Variants in OXR1 observed in about 807,000 individuals in gnomAD.
OXR1 encodes oxidation resistance 1.
In OXR1, 41 loss-of-function variants were observed where a neutral mutation model predicts 104.6. That is an observed-to-expected ratio of 0.39 (90% CI 0.31 to 0.51). The LOEUF is 0.51. OXR1 is among the 20% of genes least tolerant of loss of function. The pLI, the probability that OXR1 is intolerant of heterozygous loss-of-function variation, is 0.77. For synonymous variants in OXR1, 348 were observed against 348.4 expected (o/e 1.00, Z 0.01); for missense variants, 955 against 1,031.9 (o/e 0.93, Z 1.02).
At chr8:106,441,497 T>C (rs1201944063) in intron 2 of OXR1, among the ~76,000 whole-genome samples, 1 of 152,206 alleles carries the variant, frequency 6.6e-6, no homozygotes, top group African/African-American at 2.4e-5. Context: ...ATCTCTAAAT[T>C]ACTTTGGGCA....
intron 2 of OXR1, among the ~76,000 whole-genome samples, chr8:106,451,809 T>A (rs997662286): frequency 3.9e-5 from 6 of 152,360 alleles, no homozygotes; most frequent in East Asian, 1.9e-4. Flanking sequence ...TGACTTTTTT[T>A]AAAATAAGAA....
intron 3 of OXR1, among the ~76,000 whole-genome samples, chr8:106,651,464 T>A (rs1485036771): frequency 4.6e-5 from 7 of 152,170 alleles, no homozygotes; most frequent in Admixed American, 4.6e-4. Context: ...TTTAATCTCA[T>A]TCTTTTGTAT....
chr8:106,417,062 C>A (rs1000704548), intron 2 of OXR1, among the ~76,000 whole-genome samples: 3 of 151,976 alleles, frequency 2.0e-5, no homozygotes, highest in Admixed American at 2.0e-4. Context: ...TATTGCACAT[C>A]AAATATATTT....
intron 2 of OXR1, among the ~76,000 whole-genome samples, chr8:106,464,881 G>C (rs987845602): frequency 6.6e-6 from 1 of 151,906 alleles, no homozygotes; most frequent in Non-Finnish European, 1.5e-5. Context: ...CTTCTCTGCT[G>C]TCACTACATT....
intron 2 of OXR1, among the ~76,000 whole-genome samples, chr8:106,388,986 TA>T (rs1817492875): frequency 6.6e-6 from 1 of 152,232 alleles, no homozygotes; most frequent in East Asian, 1.9e-4. Context: ...TAATGACCTC[TA>T]AAATCAGAGC....
At chr8:106,420,729 A>ATT (rs1818869600) in intron 2 of OXR1, among the ~76,000 whole-genome samples, 1 of 111,828 alleles carries the variant, frequency 8.9e-6, no homozygotes. Flanking sequence ...GCATTAAAAT[A>ATT]TTGTGTGTGT....
At chr8:106,707,299 C>T (rs2131377455) in intron 9 of OXR1, 154 bp downstream of exon 9, 1 of 703,528 alleles carries the variant, frequency 1.4e-6, no homozygotes, top group Non-Finnish European at 2.5e-6. Flanking sequence ...TATATACAGT[C>T]TCCAGTGTCT....
At chr8:106,649,819 C>A (rs1305861192) in intron 3 of OXR1, among the ~76,000 whole-genome samples, 1 of 152,010 alleles carries the variant, frequency 6.6e-6, no homozygotes, top group Non-Finnish European at 1.5e-5. Flanking sequence ...GCCTCAGCCT[C>A]CCAAATAGCT....
intron 11 of OXR1, among the ~76,000 whole-genome samples, chr8:106,716,630 C>CAAAAAA (rs760744812): frequency 4.2e-5 from 3 of 71,476 alleles, no homozygotes; most frequent in Non-Finnish European, 9.2e-5. Context: ...GACTCCGTCT[C>CAAAAAA]AAAAAAAAAA....
chr8:106,428,708 G>A (rs540146122), intron 2 of OXR1, among the ~76,000 whole-genome samples: 106 of 151,536 alleles, frequency 7.0e-4, no homozygotes, highest in Non-Finnish European at 1.1e-3. Context: ...TTAGAACTTT[G>A]ATATATTGGA....
chr8:106,273,255 AAG>A (rs1491189617), intron 1 of OXR1, among the ~76,000 whole-genome samples: 11 of 150,208 alleles, frequency 7.3e-5, no homozygotes, highest in Non-Finnish European at 1.6e-4. Flanking sequence ...AAAAAAAAAA[AAG>A]AAGAAGAAGA....
At chr8:106,748,946 A>C (rs1835641774) in intron 16 of OXR1, among the ~76,000 whole-genome samples, 1 of 152,180 alleles carries the variant, frequency 6.6e-6, no homozygotes, top group South Asian at 2.1e-4. Flanking sequence ...TATACTTAAA[A>C]TTTGTATATG....
At chr8:106,532,142 G>A (rs575102741) in intron 3 of OXR1, among the ~76,000 whole-genome samples, 4 of 152,300 alleles carry the variant, frequency 2.6e-5, no homozygotes, top group South Asian at 2.1e-4. Flanking sequence ...TGGAATTTGG[G>A]CTTACTCTTG....
At chr8:106,390,426 T>A (rs1336497819) in intron 2 of OXR1, among the ~76,000 whole-genome samples, 1 of 152,180 alleles carries the variant, frequency 6.6e-6, no homozygotes, top group Non-Finnish European at 1.5e-5. Context: ...CTAAACACTT[T>A]CCATATATTA....
chr8:106,366,155 G>T (rs1020994828), intron 2 of OXR1, among the ~76,000 whole-genome samples: 1 of 152,168 alleles, frequency 6.6e-6, no homozygotes, highest in East Asian at 1.9e-4. Flanking sequence ...GTGTTCTTTA[G>T]GGGTTGATAA....
At chr8:106,594,315 G>A (rs868671278) in intron 3 of OXR1, among the ~76,000 whole-genome samples, 1 of 152,194 alleles carries the variant, frequency 6.6e-6, no homozygotes. Context: ...CTATGTAAGA[G>A]GACCTCCTTG....
chr8:106,745,959 G>A lies in OXR1; in HGVS notation c.2486+97G>A, dbSNP rs184813677. On this transcript the variant is annotated intron_variant, in intron 16 of 16. Coordinates refer to ENST00000517566, the MANE Select transcript of OXR1 (RefSeq NM_001198533.2). Reference sequence around the variant, plus strand: ...TCAGTTGTCTTTAGAAAGTGTTGACGTTAGAATTCAAATTTGTATATTATG... The same window carrying A: ...TCAGTTGTCTTTAGAAAGTGTTGACATTAGAATTCAAATTTGTATATTATG... 5.5e-5 allele frequency: 37 copies of A among 672,740 alleles called. 1 individual carries two copies. Among genetic ancestry groups the A allele is most frequent in the Admixed American group, 2.9e-4 (11 of 38,168 alleles). 41.7% of individuals were successfully genotyped at this position (672,740 alleles called of 1,614,324 possible).
intron 2 of OXR1, among the ~76,000 whole-genome samples, chr8:106,418,954 T>C (rs1818792888): frequency 6.6e-6 from 1 of 152,170 alleles, no homozygotes; most frequent in Admixed American, 6.6e-5. Context: ...AAAAAAGTTA[T>C]TTTTAATTTT....
rs75126315 is a variant in OXR1 at position 106,434,143 on chromosome 8, A to G, written c.23+74507A>G. On this transcript the variant is annotated intron_variant, in intron 2 of 16. Coordinates refer to ENST00000517566, the MANE Select transcript of OXR1 (RefSeq NM_001198533.2). Reference sequence around the variant, plus strand: ...ACCCTAATTATGAATATTTTCTCCTAAAAAAAACTAGAAAATAATGTTACC... The same window carrying G: ...ACCCTAATTATGAATATTTTCTCCTGAAAAAAACTAGAAAATAATGTTACC... Among the ~76,000 whole-genome samples, 8 of 40,840 alleles carry G rather than the reference A, an allele frequency of 2.0e-4. No homozygotes were observed. In the East Asian group the frequency reaches 0.021, roughly 107 times the overall value. The allele number at this position is 40,840 out of a possible 152,430, so 26.8% of individuals were successfully genotyped here.
Sources: gnomAD v4.1 joint callset for allele counts (sites outside exome capture counted in the v4.1 genomes callset) on GRCh38, gnomAD v4.1.1 for gene constraint, MANE v1.5 for transcripts, NCBI Gene and HGNC (gene_info 2026-07-23, HGNC 2026-07-21) for gene names.